Variants in HTR4 observed in about 807,000 individuals in gnomAD.
HTR4 encodes the protein 5-hydroxytryptamine receptor 4.
A neutral mutation model predicts 36.8 loss-of-function variants in HTR4; 16 were observed. That is an observed-to-expected ratio of 0.43 (90% confidence interval 0.29 to 0.66). The LOEUF (loss-of-function observed/expected upper bound fraction) is 0.66. Among genes scored for constraint, HTR4 ranks in the 30% least tolerant of loss-of-function variants. HTR4 has a pLI of 0.13. For missense variants in HTR4, 438 were observed against 490.9 expected, an observed-to-expected ratio of 0.89 and a Z score of 1.02; for synonymous variants, 189 against 185.1, an observed-to-expected ratio of 1.02 and a Z score of -0.17.
chr5:148,629,790 A>G (rs1263743979), intron 2 of HTR4: 1 of 152,206 alleles, frequency 6.6e-6, no homozygotes, highest in East Asian at 1.9e-4. Flanking sequence ...GTTCCAGAAG[A>G]AACCAAGCTT....
chr5:148,574,059 T>C (rs1760786823), intron 2 of HTR4, among the ~76,000 whole-genome samples: 1 of 152,024 alleles, frequency 6.6e-6, no homozygotes, highest in Admixed American at 6.6e-5. Flanking sequence ...AGGCTGACCA[T>C]TATAGTCCCA....
At chr5:148,468,957 A>G (rs1010958517) in intron 5 of HTR4, among the ~76,000 whole-genome samples, 8 of 151,860 alleles carry the variant, frequency 5.3e-5, no homozygotes, top group Middle Eastern at 3.4e-3. Flanking sequence ...AAAATCATGT[A>G]TTTACTTCCC....
At chr5:148,536,561 T>C (rs1351953921) in intron 4 of HTR4, among the ~76,000 whole-genome samples, 1 of 151,202 alleles carries the variant, frequency 6.6e-6, no homozygotes, top group African/African-American at 2.4e-5. Context: ...ACCAAGCAAA[T>C]GGAAAACAGA....
At position 148,455,899 on chromosome 5, in the gene HTR4, G is replaced by A. The variant is rs1011115968; in HGVS notation, c.1077-4627C>T. Among the ~76,000 whole-genome samples the A allele has an allele frequency of 6.6e-5, 10 of 152,188 alleles. No homozygotes were observed. In the South Asian group the frequency reaches 1.9e-3, roughly 29 times the overall value. On this transcript the variant is annotated intron_variant, in intron 5 of 5. Transcript: ENST00000521530. ...ACCATCATAAAAGTCGTCATCCTCA[G>A]CATCTTCACACTGAGGAGGCTGAGG...
intron 2 of HTR4, among the ~76,000 whole-genome samples, chr5:148,564,993 C>T (rs1351477959): frequency 6.6e-6 from 1 of 151,524 alleles, no homozygotes; most frequent in East Asian, 1.9e-4. Flanking sequence ...ACCTATAATA[C>T]CAGCTACTCG....
intron 4 of HTR4, among the ~76,000 whole-genome samples, chr5:148,526,443 G>A (rs971529355): frequency 3.3e-5 from 5 of 152,238 alleles, no homozygotes; most frequent in South Asian, 2.1e-4. Context: ...TCTTTGTTGT[G>A]TAATCAATAT....
chr5:148,543,549 T>G lies in HTR4; in HGVS notation c.353+5119A>C, dbSNP rs1759225153. Among the ~76,000 whole-genome samples, 9 of 152,308 alleles carry G rather than the reference T, an allele frequency of 5.9e-5. No individual in the cohort carries two copies. The South Asian group carries it at 1.9e-3, about 32-fold the overall frequency. ...ATCATAAACTCAAAATATATTCAAA[T>G]AAGTCTGCTTATTACATATGAAATC... On this transcript the variant is annotated intron_variant, in intron 4 of 6. Coordinates refer to ENST00000377888, the MANE Select transcript of HTR4 (RefSeq NM_000870.7).
chr5:148,647,770 AC>A (rs1295679739), intron 1 of HTR4, among the ~76,000 whole-genome samples: 4 of 151,838 alleles, frequency 2.6e-5, no homozygotes, highest in Non-Finnish European at 5.9e-5. Context: ...AATCGCTTGA[AC>A]CCCGGAGGCG....
intron 2 of HTR4, among the ~76,000 whole-genome samples, chr5:148,620,907 GCTGTAACCACACAA>G (rs1270146698): frequency 6.6e-6 from 1 of 152,172 alleles, no homozygotes; most frequent in Admixed American, 6.5e-5. Flanking sequence ...CTCAACAGAT[GCTGTAACCACACAA>G]CTCACACCCA....
intron 2 of HTR4, among the ~76,000 whole-genome samples, chr5:148,618,896 G>A (rs909922284): frequency 7.2e-5 from 11 of 152,202 alleles, no homozygotes; most frequent in African/African-American, 2.2e-4. Flanking sequence ...GAAGTATACT[G>A]AGGATTGTGA....
intron 2 of HTR4, among the ~76,000 whole-genome samples, chr5:148,615,245 G>A (rs1045208384): frequency 1.6e-4 from 24 of 152,206 alleles, no homozygotes; most frequent in Admixed American, 6.5e-4. Context: ...GTTTATTGCA[G>A]CATTATTCAC....
At chr5:148,503,285 A>G (rs190116348) in intron 6 of HTR4, among the ~76,000 whole-genome samples, 33 of 152,290 alleles carry the variant, frequency 2.2e-4, no homozygotes, top group African/African-American at 6.5e-4. Flanking sequence ...CAGACTAACA[A>G]TGGATCTCTC....
intron 2 of HTR4, among the ~76,000 whole-genome samples, chr5:148,560,415 G>A (rs1760153470): frequency 6.6e-6 from 1 of 152,114 alleles, no homozygotes; most frequent in Non-Finnish European, 1.5e-5. Flanking sequence ...TACATTTTTA[G>A]CAAGTTCCCA....
At chr5:148,591,665 G>C (rs982896944) in intron 2 of HTR4, among the ~76,000 whole-genome samples, 6 of 152,114 alleles carry the variant, frequency 3.9e-5, no homozygotes, top group African/African-American at 1.4e-4. Context: ...CTTTACAAAA[G>C]GAGACAAACA....
At chr5:148,469,999 T>C (rs1755524273) in intron 5 of HTR4, among the ~76,000 whole-genome samples, 1 of 152,196 alleles carries the variant, frequency 6.6e-6, no homozygotes, top group South Asian at 2.1e-4. Context: ...TGGGAGCTTC[T>C]AGTGAGATGA....
At chr5:148,532,064 T>C (rs1376070489) in intron 4 of HTR4, among the ~76,000 whole-genome samples, 1 of 152,116 alleles carries the variant, frequency 6.6e-6, no homozygotes, top group East Asian at 1.9e-4. Flanking sequence ...GATGAGAGGA[T>C]TTTCACCAAT....
intron 2 of HTR4, among the ~76,000 whole-genome samples, chr5:148,606,557 G>A (rs1313260674): frequency 6.6e-6 from 1 of 152,098 alleles, no homozygotes; most frequent in Admixed American, 6.5e-5. Context: ...AGGTAATAGT[G>A]CATGTAGAAC....
At position 148,458,887 on chromosome 5, in the gene HTR4, G is replaced by T. The variant is rs562358892; in HGVS notation, c.1077-7615C>A. On this transcript the variant is annotated intron_variant, in intron 5 of 5. Coordinates refer to the HTR4 transcript ENST00000521530. ...ATGAACATTCTGGCTGTGGTGTGTT[G>T]AATGGACTAGAGTGAGGTTGGAGTG... Among the ~76,000 whole-genome samples, 31 of 152,306 alleles carry T rather than the reference G, an allele frequency of 2.0e-4. 1 individual carries two copies. Among genetic ancestry groups the T allele is most frequent in the Admixed American group, 1.9e-3 (29 of 15,298 alleles).
intron 1 of HTR4, chr5:148,644,920 T>C (rs558626827): frequency 2.0e-5 from 3 of 152,306 alleles, no homozygotes; most frequent in African/African-American, 7.2e-5. Context: ...AACACCAACA[T>C]TGTCTGTTCC....
Sources: gnomAD v4.1 joint callset for allele counts (sites outside exome capture counted in the v4.1 genomes callset) on GRCh38, gnomAD v4.1.1 for gene constraint, MANE v1.5 for transcripts, NCBI Gene and HGNC (gene_info 2026-07-23, HGNC 2026-07-21) for gene names.